The following LIMCH1 variants were observed in gnomAD, a reference collection of about 807,000 sequenced individuals.
LIMCH1 encodes the protein LIM and calponin homology domains 1, also known as LIM and calponin homology domains-containing protein 1.
LIMCH1 carries 113 observed loss-of-function variants against 176.5 expected under a neutral mutation model. That is an observed-to-expected ratio of 0.64 (90% CI 0.55 to 0.75). LIMCH1 has a LOEUF of 0.75. Among genes scored for constraint, LIMCH1 ranks in the 30% least tolerant of loss-of-function variants. The pLI, the probability that LIMCH1 is intolerant of heterozygous loss-of-function variation, is 0.00. For missense variants in LIMCH1, 1,674 were observed against 1,814.9 expected, an observed-to-expected ratio of 0.92 and a Z score of 1.41; for synonymous variants, 619 against 645.9, an observed-to-expected ratio of 0.96 and a Z score of 0.63.
chr4:41,555,691 G>A (rs1487913910), intron 1 of LIMCH1, among the ~76,000 whole-genome samples: 2 of 152,092 alleles, frequency 1.3e-5, no homozygotes, highest in African/African-American at 2.4e-5. Flanking sequence ...TGGTTAGAAA[G>A]CAAGTTCTAT....
chr4:41,503,005 C>A (rs57731588), intron 2 of LIMCH1, among the ~76,000 whole-genome samples: 1 of 126,880 alleles, frequency 7.9e-6, no homozygotes, highest in Non-Finnish European at 1.7e-5. Flanking sequence ...GTCTGTCCAT[C>A]CATCCATCCA....
chr4:41,423,981 C>T (rs1382046683), intron 1 of LIMCH1, among the ~76,000 whole-genome samples: 1 of 152,126 alleles, frequency 6.6e-6, no homozygotes, highest in African/African-American at 2.4e-5. Flanking sequence ...TTCTGAGCAT[C>T]AGAATAACAA....
chr4:41,673,342 G>A (rs192371035), intron 22 of LIMCH1, among the ~76,000 whole-genome samples: 1 of 152,166 alleles, frequency 6.6e-6, no homozygotes, highest in Non-Finnish European at 1.5e-5. Flanking sequence ...GATGTCAGTT[G>A]TTCATGCCCC....
chr4:41,455,154 A>C (rs1198968291), intron 1 of LIMCH1, among the ~76,000 whole-genome samples: 1 of 152,234 alleles, frequency 6.6e-6, no homozygotes, highest in Non-Finnish European at 1.5e-5. Flanking sequence ...TTAAAAGGAA[A>C]ACAATAGCAG....
chr4:41,432,118 TG>T (rs1345607842), intron 1 of LIMCH1, among the ~76,000 whole-genome samples: 1 of 152,228 alleles, frequency 6.6e-6, no homozygotes, highest in African/African-American at 2.4e-5. Context: ...CGTGATTGTT[TG>T]ATTTCAAAAT....
chr4:41,523,978 C>T (rs1010796960), intron 2 of LIMCH1, among the ~76,000 whole-genome samples: 2 of 152,150 alleles, frequency 1.3e-5, no homozygotes, highest in East Asian at 1.9e-4. Context: ...TGTGTCTTGG[C>T]GAATCATTTG....
In LIMCH1 at chr4:41,641,084, C is replaced by G. The variant is rs542216425; in HGVS notation, c.2126+2117C>G. Among the ~76,000 whole-genome samples, 89 of 152,258 alleles carry G rather than the reference C, an allele frequency of 5.8e-4. 1 individual carries two copies. Among genetic ancestry groups the G allele is most frequent in the Admixed American group, 5.8e-3 (88 of 15,296 alleles). On this transcript the variant is annotated intron_variant, in intron 14 of 31. Transcript: ENST00000503057. ...CAATTTCCAGGCCCTTGGGGTAATT[C>G]CATCCCGGCCCTCAAAAATGCCAAC...
At chr4:41,617,245 C>G (rs747189124) in intron 5 of LIMCH1, among the ~76,000 whole-genome samples, 1 of 152,072 alleles carries the variant, frequency 6.6e-6, no homozygotes, top group African/African-American at 2.4e-5. Context: ...CAGCACTTCT[C>G]GTAGTCAGAA....
At chr4:41,426,017 C>CTTTTTTTT (rs913325890) in intron 1 of LIMCH1, among the ~76,000 whole-genome samples, 3 of 102,886 alleles carry the variant, frequency 2.9e-5, no homozygotes, top group African/African-American at 7.6e-5. Flanking sequence ...TGAAAAGATT[C>CTTTTTTTT]TTTTTTTTTT....
chr4:41,605,439 A>G (rs980111863), intron 3 of LIMCH1, among the ~76,000 whole-genome samples: 1 of 152,064 alleles, frequency 6.6e-6, no homozygotes, highest in East Asian at 1.9e-4. Context: ...TTTTTCTGCC[A>G]TTGGCCTTAG....
chr4:41,628,769 A>G (rs2152856245), intron 8 of LIMCH1, among the ~76,000 whole-genome samples: 1 of 152,346 alleles, frequency 6.6e-6, no homozygotes, highest in South Asian at 2.1e-4. Context: ...TCATAGGAGA[A>G]CAATGGAAAA....
chr4:41,566,093 A>C (rs2082728125), intron 1 of LIMCH1, among the ~76,000 whole-genome samples: 1 of 152,178 alleles, frequency 6.6e-6, no homozygotes, highest in Non-Finnish European at 1.5e-5. Context: ...ACTCTTAACC[A>C]CTAAAGTAGG....
At chr4:41,552,876 A>C (rs2080678631) in intron 1 of LIMCH1, among the ~76,000 whole-genome samples, 1 of 152,240 alleles carries the variant, frequency 6.6e-6, no homozygotes, top group South Asian at 2.1e-4. Context: ...TTCATGGCTC[A>C]TGGAAGTAAT....
At chr4:41,430,714 C>G (rs997788234) in intron 1 of LIMCH1, among the ~76,000 whole-genome samples, 5 of 152,182 alleles carry the variant, frequency 3.3e-5, no homozygotes, top group Non-Finnish European at 5.9e-5. Context: ...CTTAATTTTA[C>G]ATAATGTTTG....
chr4:41,688,869 T>G (rs964837221), intron 29 of LIMCH1: 1 of 152,486 alleles, frequency 6.6e-6, no homozygotes, highest in Non-Finnish European at 1.5e-5. Context: ...AGAAGGCAAG[T>G]GCCTTCATTC....
intron 3 of LIMCH1, among the ~76,000 whole-genome samples, chr4:41,525,397 G>A (rs920506298): frequency 2.6e-5 from 4 of 152,182 alleles, no homozygotes; most frequent in African/African-American, 9.7e-5. Context: ...AGACCTTACT[G>A]ATTGTTGTTA....
At chr4:41,564,099 T>C (rs979776053) in intron 1 of LIMCH1, among the ~76,000 whole-genome samples, 1 of 152,234 alleles carries the variant, frequency 6.6e-6, no homozygotes, top group Admixed American at 6.5e-5. Context: ...GTGCTCATTA[T>C]AGGCTCAAAG....
intron 1 of LIMCH1, among the ~76,000 whole-genome samples, chr4:41,480,772 C>T (rs2068466352): frequency 6.6e-6 from 1 of 152,212 alleles, no homozygotes; most frequent in Non-Finnish European, 1.5e-5. Context: ...TCTCTCTGCT[C>T]TCAAGTCAGT....
chr4:41,363,749 G>A (rs2052528348), intron 1 of LIMCH1, among the ~76,000 whole-genome samples: 1 of 152,120 alleles, frequency 6.6e-6, no homozygotes, highest in South Asian at 2.1e-4. Context: ...AAAGGTGAAA[G>A]CTCTAACGGA....
Sources: allele counts gnomAD v4.1 joint callset (sites outside exome capture counted in the v4.1 genomes callset), GRCh38; gene constraint gnomAD v4.1.1; transcripts MANE v1.5; gene names NCBI Gene and HGNC (gene_info 2026-07-23, HGNC 2026-07-21).